Variants in TNIP1 observed in about 807,000 individuals in gnomAD.
The protein encoded by TNIP1 is TNFAIP3-interacting protein 1.
TNIP1 carries 22 observed loss-of-function variants against 86.6 expected under a neutral mutation model. The observed-to-expected ratio is 0.25, with a 90% CI of 0.18 to 0.36. TNIP1 has a LOEUF of 0.36. Among genes scored for constraint, TNIP1 ranks in the 10% least tolerant of loss-of-function variants. The pLI is 1.00. For synonymous variants in TNIP1, 294 were observed against 313.0 expected (o/e 0.94, Z 0.64); for missense variants, 709 against 820.6 (o/e 0.86, Z 1.66).
At position 151,030,461 on chromosome 5, in the gene TNIP1, T is replaced by A; in HGVS notation, c.*252A>T. The A allele has an allele frequency of 1.7e-6, 1 of 581,510 alleles. No homozygotes were observed. The allele number at this position is 581,510 out of a possible 1,614,324, so 36.0% of individuals were successfully genotyped here. On this transcript the variant is annotated 3_prime_UTR_variant, in exon 18 of 18. Coordinates refer to ENST00000521591, the MANE Select transcript of TNIP1 (RefSeq NM_006058.5). Reference sequence around the variant, plus strand: ...GGGTCAAAGCCGGATGAGGCCTCTCTCCACTCAGCAGCAGGGAAGGAGTTT... The same window carrying A: ...GGGTCAAAGCCGGATGAGGCCTCTCACCACTCAGCAGCAGGGAAGGAGTTT...
At chr5:151,081,383 G>A (rs1353563891), upstream of TNIP1, among the ~76,000 whole-genome samples, 1 of 151,914 alleles carries the variant, frequency 6.6e-6, no homozygotes, top group Non-Finnish European at 1.5e-5. Context: ...TCCTTGTGCC[G>A]AGGGGAACAC....
intron 7 of TNIP1, 122 bp downstream of exon 7, chr5:151,052,041 CAA>C: frequency 1.3e-6 from 1 of 771,032 alleles, no homozygotes; most frequent in Middle Eastern, 2.6e-4. Context: ...ACGTAACCTC[CAA>C]ATAGGGCTCT....
At chr5:151,049,734 A>G (rs533355788) in intron 8 of TNIP1, 90 bp downstream of exon 8, 4 of 1,488,054 alleles carry the variant, frequency 2.7e-6, no homozygotes, top group Non-Finnish European at 3.7e-6. Context: ...TGGCTGCAGG[A>G]GGGAGGAGGC....
chr5:151,078,435 C>T (rs987500558), intron 1 of TNIP1: 4 of 152,200 alleles, frequency 2.6e-5, no homozygotes, highest in South Asian at 2.1e-4. Context: ...CTGCTCACCC[C>T]CTTCTATTCT....
intron 1 of TNIP1, among the ~76,000 whole-genome samples, chr5:151,074,203 T>C (rs942946710): frequency 1.3e-5 from 2 of 152,166 alleles, no homozygotes; most frequent in African/African-American, 2.4e-5. Context: ...CCAATAATCA[T>C]GTGCTATTTG....
At chr5:151,034,968 T>A (rs1429538228) in intron 15 of TNIP1, 34 bp downstream of exon 15, 1 of 1,611,792 alleles carries the variant, frequency 6.2e-7, no homozygotes, top group African/African-American at 1.3e-5. Context: ...GGTAAGAGGA[T>A]GTCAGTGCTG....
intron 14 of TNIP1, 142 bp downstream of exon 14, chr5:151,035,440 C>T (rs1388693588): frequency 4.0e-6 from 5 of 1,256,734 alleles, no homozygotes; most frequent in Non-Finnish European, 5.6e-6. Flanking sequence ...GGGGAAGGGC[C>T]TTGCCGAGCT....
rs1305679845 is a variant in TNIP1, at chr5:151,030,079, G to C, written c.*634C>G. ...GTCCAGGGTCTGAACCTCAGGGCCTGGCAGCTTCAGGCTGGCGCCCCTCGG... is the reference window on the plus strand; with the variant it reads ...GTCCAGGGTCTGAACCTCAGGGCCTCGCAGCTTCAGGCTGGCGCCCCTCGG... On this transcript the variant is annotated 3_prime_UTR_variant, in exon 18 of 18. Coordinates refer to ENST00000521591, the MANE Select transcript of TNIP1 (RefSeq NM_006058.5). 2.2e-6 allele frequency: 1 copy of C among 456,780 alleles called. No homozygotes were observed. The highest frequency in any genetic ancestry group is 4.4e-6 in the Non-Finnish European group (1 of 226,984). The allele number at this position is 456,780 out of a possible 1,614,324, so 28.3% of individuals were successfully genotyped here.
At chr5:151,039,769 G>A (rs930186511) in intron 11 of TNIP1, among the ~76,000 whole-genome samples, 4 of 152,366 alleles carry the variant, frequency 2.6e-5, no homozygotes, top group East Asian at 1.9e-4. Context: ...GAGCCTAGAG[G>A]AGAGATGACA....
chr5:151,042,992 T>C, intron 9 of TNIP1, 31 bp from the exon 10 acceptor site: 1 of 1,612,976 alleles, frequency 6.2e-7, no homozygotes, highest in Non-Finnish European at 8.5e-7. Flanking sequence ...TAGCAGGAGA[T>C]GAGCAGAGAA....
At chr5:151,067,343 G>A (rs1008556761) in intron 1 of TNIP1, among the ~76,000 whole-genome samples, 4 of 152,258 alleles carry the variant, frequency 2.6e-5, no homozygotes, top group Non-Finnish European at 5.9e-5. Flanking sequence ...ACCTGGTACA[G>A]CATGTGTCTG....
chr5:151,047,769 T>A (rs1401156070), intron 8 of TNIP1, among the ~76,000 whole-genome samples: 5 of 152,000 alleles, frequency 3.3e-5, no homozygotes, highest in Non-Finnish European at 7.4e-5. Flanking sequence ...GGAGGGTGTG[T>A]GTCGACTCTA....
At position 151,053,577 on chromosome 5, in the gene TNIP1, G is replaced by C. The variant is rs1030783731; in HGVS notation, c.628-1318C>G. On this transcript the variant is annotated intron_variant, in intron 6 of 17. Coordinates refer to ENST00000521591, the MANE Select transcript of TNIP1 (RefSeq NM_006058.5). The stretch of plus-strand genomic sequence containing the variant: ...ATGGAAGAGGGGTCGCCAGACTCAG[G>C]ACCTCACAGGCTGGGGGGAAGGGAA... Among the ~76,000 whole-genome samples, 60 of 152,196 alleles carry C rather than the reference G, an allele frequency of 3.9e-4. 2 individuals carry two copies. Among genetic ancestry groups the C allele is most frequent in the Non-Finnish European group, 1.5e-5 (1 of 68,038 alleles).
At chr5:151,054,144 T>A (rs1296457546) in intron 6 of TNIP1, among the ~76,000 whole-genome samples, 1 of 152,248 alleles carries the variant, frequency 6.6e-6, no homozygotes, top group Non-Finnish European at 1.5e-5. Context: ...CTGATGTGGA[T>A]GCCTCGTATT....
In TNIP1 at chr5:151,042,702, G is replaced by T. The variant is rs772980605; in HGVS notation, c.1003-31C>A. Reference sequence around the variant, plus strand: ...TTCAGAGGCAGAGAGGAGTGTGTGAGGCAAGGATGTAGAGCACTTGCAGGA... The same window carrying T: ...TTCAGAGGCAGAGAGGAGTGTGTGATGCAAGGATGTAGAGCACTTGCAGGA... On this transcript the variant is annotated intron_variant, in intron 10 of 17. Transcript: ENST00000521591. 1.9e-6 allele frequency: 3 copies of T among 1,613,042 alleles called. No individual in the cohort carries two copies. In the Admixed American group the frequency reaches 5.0e-5, roughly 27 times the overall value.
At chr5:151,065,257 T>C (rs1762090438) in intron 1 of TNIP1, 126 bp from the exon 2 acceptor site, 10 of 758,904 alleles carry the variant, frequency 1.3e-5, no homozygotes, top group East Asian at 5.5e-5. Context: ...GACCATATTA[T>C]AGTAAAGCAG....
rs1344145822 is a variant in TNIP1, at chr5:151,030,365, T to G, written c.*348A>C. On this transcript the variant is annotated 3_prime_UTR_variant, in exon 18 of 18. Transcript: ENST00000521591. ...GCCTGAAACCACTTCCGGGAGGTTT[T>G]GAAGGAAGGGGGTCTTGGCTGCCTC... 1 of 452,132 alleles carries G rather than the reference T, an allele frequency of 2.2e-6. No individual in the cohort carries two copies. The highest frequency in any genetic ancestry group is 4.1e-6 in the Non-Finnish European group (1 of 241,920). 28.0% of individuals were successfully genotyped at this position (452,132 alleles called of 1,614,324 possible).
In TNIP1 at chr5:151,039,134, C is replaced by G. The variant is rs142888403; in HGVS notation, c.1226G>C (p.Arg409Pro). The G allele has an allele frequency of 6.2e-7, 1 of 1,613,996 alleles. No homozygotes were observed. Among genetic ancestry groups the G allele is most frequent in the South Asian group, 1.1e-5 (1 of 91,074 alleles). ...CTGGATCTCCTTTTCCTGGTACTCA[C>G]GCTGTCGGGTGAGTGGGCTCAGCTG... is the stretch of plus-strand genomic sequence containing the variant. ...QDQLSPLTRQ[R>P]EYQEKEIQRL... The change falls in exon 12 of 18, where the codon CGT becomes CCT. Residue 409 changes from arginine (R) to proline (P), a missense_variant. By Grantham distance (103) the Arg-to-Pro change is moderately radical. Transcript: ENST00000521591.
Position 151,042,967 on chromosome 5 carries a change from G to C in TNIP1, c.937-6C>G, listed in dbSNP as rs766972780. The stretch of plus-strand genomic sequence containing the variant: ...TGCTTGTTCACTTCCAGCAGCTGTG[G>C]GGAGAGACTGGAGTTAGCAGGAGAT... On this transcript the variant is annotated splice_polypyrimidine_tract_variant and splice_region_variant and intron_variant, in intron 9 of 17. Transcript: ENST00000521591. 6.2e-7 allele frequency: 1 copy of C among 1,614,004 alleles called. No individual in the cohort carries two copies. Among genetic ancestry groups the C allele is most frequent in the Admixed American group, 1.7e-5 (1 of 60,014 alleles).
Sources: gnomAD v4.1 joint callset for allele counts (sites outside exome capture counted in the v4.1 genomes callset) on GRCh38, gnomAD v4.1.1 for gene constraint, MANE v1.5 for transcripts, NCBI Gene and HGNC (gene_info 2026-07-23, HGNC 2026-07-21) for gene names.